The following FMNL2 variants were observed in gnomAD, a reference collection of about 807,000 sequenced individuals.
FMNL2 encodes formin like 2.
Under a neutral mutation model 130.2 loss-of-function variants are expected in FMNL2, and 51 were observed. The observed-to-expected ratio is 0.39, with a 90% CI of 0.31 to 0.49. The LOEUF is 0.49. Ranked by LOEUF, FMNL2 falls within the 20% of genes least tolerant of loss-of-function variation. The pLI, the probability that FMNL2 is intolerant of heterozygous loss-of-function variation, is 0.85. For missense variants in FMNL2, 977 were observed against 1,316.2 expected, an observed-to-expected ratio of 0.74 and a Z score of 3.99; for synonymous variants, 465 against 467.1, an observed-to-expected ratio of 1.00 and a Z score of 0.06.
chr2:152,449,834 A>C (rs184979620), intron 1 of FMNL2, among the ~76,000 whole-genome samples: 35 of 152,250 alleles, frequency 2.3e-4, no homozygotes, highest in Non-Finnish European at 1.5e-4. Flanking sequence ...ATGTGGCTAC[A>C]TGTTTGACAG....
intron 1 of FMNL2, among the ~76,000 whole-genome samples, chr2:152,409,779 C>G (rs1686185068): frequency 6.6e-6 from 1 of 152,112 alleles, no homozygotes; most frequent in African/African-American, 2.4e-5. Context: ...TCACCATTTT[C>G]AGATGGTAGC....
At chr2:152,357,089 T>C (rs1325321539) in intron 1 of FMNL2, among the ~76,000 whole-genome samples, 1 of 106,022 alleles carries the variant, frequency 9.4e-6, no homozygotes, top group African/African-American at 4.1e-5. Flanking sequence ...ACGATAAATA[T>C]TACATAAGTT....
intron 4 of FMNL2, among the ~76,000 whole-genome samples, chr2:152,550,133 A>T (rs1199958631): frequency 6.6e-6 from 1 of 152,200 alleles, no homozygotes; most frequent in East Asian, 1.9e-4. Context: ...TAATGAAATA[A>T]TGTTATTTGA....
intron 1 of FMNL2, among the ~76,000 whole-genome samples, chr2:152,499,819 AG>A (rs1265031956): frequency 1.3e-5 from 2 of 152,260 alleles, no homozygotes; most frequent in East Asian, 3.8e-4. Context: ...ACATATTAGC[AG>A]TACACTGAGT....
intron 1 of FMNL2, among the ~76,000 whole-genome samples, chr2:152,479,833 C>T (rs574813950): frequency 6.6e-6 from 1 of 151,662 alleles, no homozygotes; most frequent in African/African-American, 2.4e-5. Flanking sequence ...GCCTCAGCCT[C>T]CCGAGTAGCT....
chr2:152,603,675 T>A (rs1698210653), intron 9 of FMNL2, among the ~76,000 whole-genome samples: 1 of 151,008 alleles, frequency 6.6e-6, no homozygotes, highest in Admixed American at 6.6e-5. Flanking sequence ...CATGTGCTTT[T>A]CCAGCCATTC....
intron 12 of FMNL2, among the ~76,000 whole-genome samples, chr2:152,615,453 A>G (rs1698898355): frequency 6.6e-6 from 1 of 152,172 alleles, no homozygotes. Context: ...ACGGTACTCA[A>G]ATTCTTAATA....
chr2:152,462,234 C>T (rs992464074), intron 1 of FMNL2, among the ~76,000 whole-genome samples: 12 of 152,274 alleles, frequency 7.9e-5, no homozygotes, highest in African/African-American at 2.6e-4. Context: ...TTGTTTATTT[C>T]AAGTGTGAGT....
chr2:152,459,158 G>T (rs1689106676), intron 1 of FMNL2, among the ~76,000 whole-genome samples: 1 of 152,146 alleles, frequency 6.6e-6, no homozygotes, highest in Admixed American at 6.5e-5. Flanking sequence ...TCATGGAAAA[G>T]ATTTGAAAAA....
At chr2:152,337,311 A>T (rs1380235208) in intron 1 of FMNL2, among the ~76,000 whole-genome samples, 1 of 151,922 alleles carries the variant, frequency 6.6e-6, no homozygotes, top group Admixed American at 6.6e-5. Context: ...CCTACTAGAC[A>T]TATGGTTCTT....
intron 6 of FMNL2, among the ~76,000 whole-genome samples, chr2:152,563,545 A>T (rs1419099643): frequency 6.6e-6 from 1 of 152,192 alleles, no homozygotes; most frequent in African/African-American, 2.4e-5. Context: ...CATCTGTGAC[A>T]TAAAAACAGC....
At chr2:152,391,841 G>C (rs969232356) in intron 1 of FMNL2, among the ~76,000 whole-genome samples, 1 of 147,208 alleles carries the variant, frequency 6.8e-6, no homozygotes, top group African/African-American at 2.5e-5. Flanking sequence ...ACGCTGGCTA[G>C]AGCCCTTACC....
intron 1 of FMNL2, among the ~76,000 whole-genome samples, chr2:152,346,606 C>G (rs191983098): frequency 6.6e-6 from 1 of 151,926 alleles, no homozygotes; most frequent in Admixed American, 6.6e-5. Flanking sequence ...CTGAAGTGAG[C>G]TGTAATCATG....
chr2:152,598,035 A>G (rs919427296), intron 9 of FMNL2, among the ~76,000 whole-genome samples: 1 of 152,196 alleles, frequency 6.6e-6, no homozygotes, highest in Non-Finnish European at 1.5e-5. Context: ...AGGTCTCTGC[A>G]TTCATGGCAC....
chr2:152,353,970 C>T (rs966244676), intron 1 of FMNL2, among the ~76,000 whole-genome samples: 7 of 152,296 alleles, frequency 4.6e-5, no homozygotes, highest in Admixed American at 2.6e-4. Flanking sequence ...TAAGATTGTA[C>T]CTACTGACCT....
At chr2:152,603,353 T>C (rs1016053441) in intron 9 of FMNL2, among the ~76,000 whole-genome samples, 1 of 152,182 alleles carries the variant, frequency 6.6e-6, no homozygotes, top group Non-Finnish European at 1.5e-5. Flanking sequence ...TTTGGGTTAT[T>C]TTCGCCAAGT....
At chr2:152,412,420 T>G in intron 1 of FMNL2, among the ~76,000 whole-genome samples, 1 of 138,682 alleles carries the variant, frequency 7.2e-6, no homozygotes, top group Admixed American at 7.2e-5. Context: ...CAGTCTTATA[T>G]TTCCTCTTAC....
At chr2:152,581,078 T>C (rs2044057341) in intron 9 of FMNL2, 29 bp downstream of exon 9, 3 of 1,565,484 alleles carry the variant, frequency 1.9e-6, no homozygotes, top group Admixed American at 3.4e-5. Flanking sequence ...TTCATAAGAA[T>C]ACTCACACAT....
At chr2:152,522,418 C>T (rs1693144106) in intron 2 of FMNL2, among the ~76,000 whole-genome samples, 1 of 152,156 alleles carries the variant, frequency 6.6e-6, no homozygotes, top group South Asian at 2.1e-4. Flanking sequence ...GTGACTGTTA[C>T]TGTTTTTATT....
Sources: gnomAD v4.1 joint callset for allele counts (sites outside exome capture counted in the v4.1 genomes callset) on GRCh38, gnomAD v4.1.1 for gene constraint, MANE v1.5 for transcripts, NCBI Gene and HGNC (gene_info 2026-07-23, HGNC 2026-07-21) for gene names.